GRIK4: variants seen among roughly 807,000 people sequenced by gnomAD.
GRIK4 encodes the protein glutamate ionotropic receptor kainate type subunit 4, also known as glutamate receptor ionotropic, kainate 4.
Under a neutral mutation model 104.9 loss-of-function variants are expected in GRIK4, and 40 were observed. The ratio of observed to expected loss-of-function variants is 0.38; its 90% confidence interval spans 0.30 to 0.50. The LOEUF is 0.50. GRIK4 is among the 20% of genes least tolerant of loss of function. The pLI, the probability that GRIK4 is intolerant of heterozygous loss-of-function variation, is 0.93. For missense variants in GRIK4, 1,047 were observed against 1,308.1 expected, an observed-to-expected ratio of 0.80 and a Z score of 3.08; for synonymous variants, 485 against 524.9, an observed-to-expected ratio of 0.92 and a Z score of 1.04.
At chr11:120,771,680 G>A (rs1448032037) in intron 3 of GRIK4, among the ~76,000 whole-genome samples, 1 of 152,178 alleles carries the variant, frequency 6.6e-6, no homozygotes, top group Non-Finnish European at 1.5e-5. Flanking sequence ...TGGAATCCAG[G>A]ACCTATTATA....
At chr11:120,950,743 G>A (rs1943981232) in intron 14 of GRIK4, among the ~76,000 whole-genome samples, 1 of 152,188 alleles carries the variant, frequency 6.6e-6, no homozygotes, top group African/African-American at 2.4e-5. Flanking sequence ...TTAGGATGAT[G>A]AAGGAAACAC....
At chr11:120,698,910 A>G (rs1252011657) in intron 3 of GRIK4, among the ~76,000 whole-genome samples, 4 of 152,144 alleles carry the variant, frequency 2.6e-5, no homozygotes, top group Non-Finnish European at 5.9e-5. Context: ...GGGCTTTTGG[A>G]TTTCGTTGGT....
intron 3 of GRIK4, among the ~76,000 whole-genome samples, chr11:120,669,149 G>A (rs969176715): frequency 8.5e-5 from 13 of 152,306 alleles, no homozygotes; most frequent in African/African-American, 2.4e-4. Flanking sequence ...CTTCCAAAGC[G>A]TGGGTGTGTG....
At chr11:120,532,285 G>A (rs1226672858) in intron 1 of GRIK4, among the ~76,000 whole-genome samples, 1 of 152,122 alleles carries the variant, frequency 6.6e-6, no homozygotes, top group Non-Finnish European at 1.5e-5. Flanking sequence ...CAGCCCTGTG[G>A]GCCCTACCCC....
chr11:120,593,033 A>T (rs1414768675), intron 1 of GRIK4, among the ~76,000 whole-genome samples: 1 of 151,910 alleles, frequency 6.6e-6, no homozygotes, highest in Non-Finnish European at 1.5e-5. Context: ...AAATACAAAA[A>T]ATCAGCTGGG....
chr11:120,677,272 T>C (rs1950113070), intron 3 of GRIK4, among the ~76,000 whole-genome samples: 1 of 152,176 alleles, frequency 6.6e-6, no homozygotes, highest in Non-Finnish European at 1.5e-5. Context: ...GCCTGTGTTG[T>C]GTGGGCTCCG....
chr11:120,903,302 CTCT>C lies in GRIK4; in HGVS notation c.1273-1987_1273-1985del, dbSNP rs1435470861. ...TGTCCCTGTCGCATCCCCTGAGCGGCTCTGCTGAAAATCTTCCCACACACCAAG... is the reference window on the plus strand; with the variant it reads ...TGTCCCTGTCGCATCCCCTGAGCGGCGCTGAAAATCTTCCCACACACCAAG... On this transcript the variant is annotated intron_variant, in intron 12 of 20. Coordinates refer to ENST00000527524, the MANE Select transcript of GRIK4 (RefSeq NM_014619.5). The surrounding 1 kb of genome is among the most constrained non-coding windows in gnomAD (Gnocchi z 4.4). Among the ~76,000 whole-genome samples the C allele has an allele frequency of 2.0e-5, 3 of 152,254 alleles. No individual in the cohort carries two copies. Among genetic ancestry groups the C allele is most frequent in the Middle Eastern group, 3.4e-3 (1 of 294 alleles).
intron 3 of GRIK4, among the ~76,000 whole-genome samples, chr11:120,710,587 A>T (rs368312394): frequency 1.3e-5 from 2 of 152,116 alleles, no homozygotes; most frequent in South Asian, 4.1e-4. Flanking sequence ...CTCACAATAG[A>T]GAGTCTTTCT....
At position 120,819,578 on chromosome 11, in the gene GRIK4, C is replaced by T. The variant is rs1953053006; in HGVS notation, c.346-177C>T. ...TTCTTTGAAGCATCATCAGGGATGT[C>T]ATCGCTCGTCTTCCTCCCACGGAGT... is the stretch of plus-strand genomic sequence containing the variant. On this transcript the variant is annotated intron_variant, in intron 5 of 20. Transcript: ENST00000527524. This position sits in a 1 kb window ranked among gnomAD's most constrained non-coding sequence, Gnocchi z 4.3. Among the ~76,000 whole-genome samples, 1 of 152,178 alleles carries T rather than the reference C, an allele frequency of 6.6e-6. No individual in the cohort carries two copies. The highest frequency in any genetic ancestry group is 1.5e-5 in the Non-Finnish European group (1 of 68,026).
chr11:120,606,034 C>A (rs780731805), intron 1 of GRIK4, among the ~76,000 whole-genome samples: 2 of 152,180 alleles, frequency 1.3e-5, no homozygotes, highest in Admixed American at 6.5e-5. Context: ...AGAAATGATA[C>A]CCTTCAGGTG....
intron 1 of GRIK4, among the ~76,000 whole-genome samples, chr11:120,639,555 C>T (rs1169120557): frequency 6.6e-6 from 1 of 152,198 alleles, no homozygotes; most frequent in Non-Finnish European, 1.5e-5. Context: ...TGACTCCATC[C>T]TCTAGGCAGG....
intron 3 of GRIK4, among the ~76,000 whole-genome samples, chr11:120,785,639 C>T (rs921554258): frequency 1.3e-5 from 2 of 152,312 alleles, no homozygotes; most frequent in Non-Finnish European, 2.9e-5. Context: ...AAGTGCTTAA[C>T]GTGCCTAACA....
At chr11:120,909,349 A>G (rs1942942010) in intron 13 of GRIK4, among the ~76,000 whole-genome samples, 1 of 152,220 alleles carries the variant, frequency 6.6e-6, no homozygotes, top group African/African-American at 2.4e-5. Flanking sequence ...TTTCTTGTTC[A>G]AGAAGTATAT....
At chr11:120,586,611 C>T (rs572228663) in intron 1 of GRIK4, among the ~76,000 whole-genome samples, 7 of 152,150 alleles carry the variant, frequency 4.6e-5, no homozygotes, top group South Asian at 2.1e-4. Context: ...TGCCAGATGC[C>T]GAGTGTGTGG....
At chr11:120,648,167 G>C (rs1470547255) in intron 1 of GRIK4, among the ~76,000 whole-genome samples, 4 of 152,208 alleles carry the variant, frequency 2.6e-5, no homozygotes, top group African/African-American at 9.6e-5. Flanking sequence ...AGACCAGAGG[G>C]GGCTGAGCCT....
chr11:120,559,990 A>G (rs1250604898), intron 1 of GRIK4, among the ~76,000 whole-genome samples: 1 of 151,952 alleles, frequency 6.6e-6, no homozygotes, highest in Non-Finnish European at 1.5e-5. Context: ...AGTCCCTAGC[A>G]GTGACATTCC....
intron 9 of GRIK4, among the ~76,000 whole-genome samples, chr11:120,866,011 G>A (rs1374175312): frequency 6.6e-6 from 1 of 152,142 alleles, no homozygotes; most frequent in Non-Finnish European, 1.5e-5. Flanking sequence ...TCAACAGCCA[G>A]TTCTTGTGGG....
At chr11:120,876,279 TA>T (rs1954802372) in intron 11 of GRIK4, among the ~76,000 whole-genome samples, 1 of 99,700 alleles carries the variant, frequency 1.0e-5, no homozygotes, top group Non-Finnish European at 2.1e-5. Context: ...CCACCACCAC[TA>T]CCACCATCAT....
intron 3 of GRIK4, among the ~76,000 whole-genome samples, chr11:120,756,146 A>T (rs1235792338): frequency 6.6e-6 from 1 of 152,166 alleles, no homozygotes; most frequent in East Asian, 1.9e-4. Context: ...CTAAACCAAT[A>T]TATGGCATTG....
Sources: allele counts gnomAD v4.1 joint callset (sites outside exome capture counted in the v4.1 genomes callset), GRCh38; gene constraint gnomAD v4.1.1; non-coding constraint Gnocchi (gnomAD v3.1); transcripts MANE v1.5; gene names NCBI Gene and HGNC (gene_info 2026-07-23, HGNC 2026-07-21).